The following PALM2AKAP2 variants were observed in gnomAD, a reference collection of about 807,000 sequenced individuals.
PALM2AKAP2 encodes the protein PALM2-AKAP2 fusion protein.
Under a neutral mutation model 71.5 loss-of-function variants are expected in PALM2AKAP2, and 37 were observed. The ratio of observed to expected loss-of-function variants is 0.52; its 90% CI spans 0.40 to 0.68. The LOEUF is 0.68. Ranked by LOEUF, PALM2AKAP2 falls within the 30% of genes least tolerant of loss-of-function variation. The pLI is 0.00. For missense variants in PALM2AKAP2, 1,224 were observed against 1,191.8 expected (o/e 1.03, Z -0.40); for synonymous variants, 468 against 478.8 (o/e 0.98, Z 0.29).
chr9:109,756,475 TTGTGGTGCTATC>T (rs1156251260), intron 1 of PALM2AKAP2, among the ~76,000 whole-genome samples: 2 of 152,220 alleles, frequency 1.3e-5, no homozygotes, highest in Non-Finnish European at 2.9e-5. Flanking sequence ...TTGATTTTGA[TTGTGGTGCTATC>T]TTTTATAGAC....
At chr9:109,760,508 G>C (rs1829033695) in intron 1 of PALM2AKAP2, 1 of 152,124 alleles carries the variant, frequency 6.6e-6, no homozygotes, top group Admixed American at 6.6e-5. Context: ...CAAGTTATTT[G>C]ACTGACTTGT....
intron 6 of PALM2AKAP2, among the ~76,000 whole-genome samples, chr9:109,973,833 A>T (rs1832118298): frequency 6.6e-6 from 1 of 152,204 alleles, no homozygotes; most frequent in South Asian, 2.1e-4. Flanking sequence ...AGCTGCCTGA[A>T]TCGAAGCCAG....
chr9:109,812,529 G>C (rs1827752286), intron 1 of PALM2AKAP2, among the ~76,000 whole-genome samples: 1 of 152,156 alleles, frequency 6.6e-6, no homozygotes, highest in Non-Finnish European at 1.5e-5. Context: ...AAGAAGCAAG[G>C]CGCGGCTGAT....
chr9:109,896,908 A>C (rs1830216836), intron 3 of PALM2AKAP2, among the ~76,000 whole-genome samples: 1 of 152,238 alleles, frequency 6.6e-6, no homozygotes. Context: ...CTGGTTTTCA[A>C]ATATCCTAAC....
At chr9:110,144,779 A>G (rs193140495) in intron 2 of PALM2AKAP2, among the ~76,000 whole-genome samples, 15 of 152,350 alleles carry the variant, frequency 9.8e-5, no homozygotes, top group Non-Finnish European at 1.5e-4. Context: ...ATAAGTTATG[A>G]AAAATCTTTC....
At chr9:110,039,949 GAAAA>G (rs1193320331) in intron 7 of PALM2AKAP2, among the ~76,000 whole-genome samples, 1 of 149,936 alleles carries the variant, frequency 6.7e-6, no homozygotes, top group Non-Finnish European at 1.5e-5. Flanking sequence ...GGTCTAACAA[GAAAA>G]GGAAGGAAGG....
chr9:109,666,516 G>A (rs1827488311), intron 1 of PALM2AKAP2, among the ~76,000 whole-genome samples: 1 of 152,234 alleles, frequency 6.6e-6, no homozygotes, highest in Non-Finnish European at 1.5e-5. Flanking sequence ...AACCAGAGAT[G>A]ATATCACAAC....
At chr9:109,748,622 A>G (rs1157013160) in intron 1 of PALM2AKAP2, among the ~76,000 whole-genome samples, 2 of 152,222 alleles carry the variant, frequency 1.3e-5, no homozygotes, top group African/African-American at 4.8e-5. Context: ...CCTATCTGTC[A>G]TGATGCTGAC....
chr9:109,699,130 TG>T (rs1828016202), intron 1 of PALM2AKAP2, among the ~76,000 whole-genome samples: 1 of 152,038 alleles, frequency 6.6e-6, no homozygotes. Flanking sequence ...AAAAGAAAAA[TG>T]GGCAAAGACA....
At chr9:110,098,178 G>C (rs561989244) in intron 1 of PALM2AKAP2, among the ~76,000 whole-genome samples, 1 of 151,620 alleles carries the variant, frequency 6.6e-6, no homozygotes, top group East Asian at 1.9e-4. Context: ...AGAGGGGAGA[G>C]GGAATCACAG....
intron 1 of PALM2AKAP2, among the ~76,000 whole-genome samples, chr9:109,725,776 A>G (rs1360835380): frequency 6.6e-6 from 1 of 152,232 alleles, no homozygotes; most frequent in Non-Finnish European, 1.5e-5. Flanking sequence ...CAACACACAC[A>G]TGTAACTCCA....
At chr9:109,956,890 T>C (rs555147157) in intron 6 of PALM2AKAP2, among the ~76,000 whole-genome samples, 1 of 152,162 alleles carries the variant, frequency 6.6e-6, no homozygotes, top group Admixed American at 6.5e-5. Flanking sequence ...CTGTCTTGCC[T>C]CCTTGCATCC....
At chr9:109,680,241 C>G (rs1827708601) in intron 1 of PALM2AKAP2, among the ~76,000 whole-genome samples, 1 of 152,216 alleles carries the variant, frequency 6.6e-6, no homozygotes, top group Non-Finnish European at 1.5e-5. Flanking sequence ...ACTCCTTTCT[C>G]TGAACGAAGC....
chr9:109,928,452 A>C (rs553580062), intron 5 of PALM2AKAP2, among the ~76,000 whole-genome samples: 94 of 152,232 alleles, frequency 6.2e-4, no homozygotes, highest in Non-Finnish European at 1.1e-3. Context: ...GTGTTAGACT[A>C]TTCTGACTTT....
chr9:109,795,431 A>T (rs192495370), intron 1 of PALM2AKAP2, among the ~76,000 whole-genome samples: 1 of 152,258 alleles, frequency 6.6e-6, no homozygotes, highest in Non-Finnish European at 1.5e-5. Flanking sequence ...TATTGATTTA[A>T]CTAACCTGCA....
chr9:110,172,100 ATTC>A (rs1836873212), exon 4 of PALM2AKAP2: 1 of 152,692 alleles, frequency 6.5e-6, no homozygotes, highest in African/African-American at 2.4e-5. Context: ...AACAGTGTTG[ATTC>A]TTGTCTCTGA....
rs79367458 is a variant in PALM2AKAP2 at position 110,102,731 on chromosome 9, G to A, written c.157-33396G>A. ...TATTAGGACAGAAAAACAAGACCAC[G>A]TCATTCCCCAGCCCAATCCCTTATG... On this transcript the variant is annotated intron_variant, in intron 1 of 3. Transcript: ENST00000374525. Among the ~76,000 whole-genome samples, 331 of 152,206 alleles carry A rather than the reference G, an allele frequency of 2.2e-3. 2 individuals are homozygous for A. The highest frequency in any genetic ancestry group is 7.8e-3 in the African/African-American group (323 of 41,526).
At chr9:110,146,053 C>T (rs923605807) in intron 2 of PALM2AKAP2, among the ~76,000 whole-genome samples, 2 of 151,746 alleles carry the variant, frequency 1.3e-5, no homozygotes, top group East Asian at 1.9e-4. Flanking sequence ...TGCCCACCAC[C>T]GCGTCCAGCT....
chr9:109,837,467 C>T (rs1416481284), intron 1 of PALM2AKAP2, among the ~76,000 whole-genome samples: 1 of 152,208 alleles, frequency 6.6e-6, no homozygotes, highest in African/African-American at 2.4e-5. Context: ...GAAACTGCAT[C>T]AACTAACGAG....
Sources: allele counts gnomAD v4.1 joint callset (sites outside exome capture counted in the v4.1 genomes callset), GRCh38; gene constraint gnomAD v4.1.1; transcripts MANE v1.5; gene names NCBI Gene and HGNC (gene_info 2026-07-23, HGNC 2026-07-21).